Variants in IL1RAPL2 observed in about 807,000 individuals in gnomAD.
IL1RAPL2 encodes the protein interleukin 1 receptor accessory protein like 2.
A neutral mutation model predicts 44.1 loss-of-function variants in IL1RAPL2; 3 were observed. The ratio of observed to expected loss-of-function variants is 0.07; its 90% CI spans 0.03 to 0.18. The LOEUF is 0.18. IL1RAPL2 is among the 10% of genes least tolerant of loss of function. The pLI, the probability that IL1RAPL2 is intolerant of heterozygous loss-of-function variation, is 1.00. For missense variants in IL1RAPL2, 391 were observed against 496.4 expected (o/e 0.79, Z 2.02); for synonymous variants, 181 against 178.8 (o/e 1.01, Z -0.10).
intron 5 of IL1RAPL2, among the ~76,000 whole-genome samples, chrX:105,417,297 A>C (rs2147743782): frequency 9.0e-6 from 1 of 111,518 alleles, no homozygotes; most frequent in South Asian, 3.8e-4. Context: ...ACATGGTGAA[A>C]CCCCATCTCT....
intron 2 of IL1RAPL2, among the ~76,000 whole-genome samples, chrX:104,878,368 A>T (rs1922967264): frequency 8.9e-6 from 1 of 112,031 alleles, no homozygotes. Context: ...TCTGTGCTTT[A>T]TATATTACTG....
chrX:105,075,620 C>T (rs1200416574), intron 2 of IL1RAPL2, among the ~76,000 whole-genome samples: 1 of 111,918 alleles, frequency 8.9e-6, no homozygotes, highest in Non-Finnish European at 1.9e-5. Context: ...AGGAATGGTA[C>T]CAGCTCCTCC....
chrX:105,341,196 A>G (rs983843636), intron 5 of IL1RAPL2, among the ~76,000 whole-genome samples: 43 of 111,692 alleles, frequency 3.8e-4, no homozygotes, highest in African/African-American at 1.4e-3. Flanking sequence ...GTGCTTGTTC[A>G]TACATACTTG....
At chrX:105,715,547 G>A (rs1471983275) in intron 6 of IL1RAPL2, among the ~76,000 whole-genome samples, 1 of 111,349 alleles carries the variant, frequency 9.0e-6, no homozygotes, top group African/African-American at 3.3e-5. Context: ...AGCAAGTAAG[G>A]GAAATTCTCA....
At chrX:105,685,703 T>G (rs1161826055) in intron 6 of IL1RAPL2, among the ~76,000 whole-genome samples, 3 of 110,109 alleles carry the variant, frequency 2.7e-5, no homozygotes, top group Non-Finnish European at 5.7e-5. Flanking sequence ...TACAGACAAC[T>G]CCACAAAGAT....
chrX:105,108,286 A>G (rs923264546), intron 2 of IL1RAPL2, among the ~76,000 whole-genome samples: 2 of 111,298 alleles, frequency 1.8e-5, no homozygotes, highest in African/African-American at 6.5e-5. Flanking sequence ...ACTCCTCTTC[A>G]TTCCTCCCAA....
At chrX:104,972,795 T>C (rs1319963247) in intron 2 of IL1RAPL2, among the ~76,000 whole-genome samples, 23 of 111,467 alleles carry the variant, frequency 2.1e-4, no homozygotes, top group Non-Finnish European at 1.1e-4. Context: ...AAAAGAAACA[T>C]TGTAGTCAAG....
At chrX:105,572,512 A>G (rs1481855279) in intron 6 of IL1RAPL2, among the ~76,000 whole-genome samples, 1 of 112,064 alleles carries the variant, frequency 8.9e-6, no homozygotes, top group Non-Finnish European at 1.9e-5. Flanking sequence ...AGTAAACTCA[A>G]CTTTGAAAAA....
At chrX:104,931,476 G>A (rs1319723369) in intron 2 of IL1RAPL2, among the ~76,000 whole-genome samples, 1 of 109,953 alleles carries the variant, frequency 9.1e-6, no homozygotes, top group African/African-American at 3.3e-5. Flanking sequence ...TTTTTGATTG[G>A]AGAAGGTTAG....
chrX:105,368,332 A>G (rs936952329), intron 5 of IL1RAPL2, among the ~76,000 whole-genome samples: 1 of 111,620 alleles, frequency 9.0e-6, no homozygotes, highest in Admixed American at 9.6e-5. Context: ...GGCCCTTACC[A>G]AATTCAACAA....
At chrX:104,590,557 A>C (rs182635324) in intron 1 of IL1RAPL2, among the ~76,000 whole-genome samples, 263 of 111,708 alleles carry the variant, frequency 2.4e-3, no homozygotes, top group African/African-American at 7.9e-3. Context: ...GGTACCAACA[A>C]CACTCAGGAA....
intron 5 of IL1RAPL2, among the ~76,000 whole-genome samples, chrX:105,387,128 C>T (rs1186464028): frequency 9.3e-6 from 1 of 107,165 alleles, no homozygotes; most frequent in Non-Finnish European, 1.9e-5. Context: ...AAGAGTGTTA[C>T]TCAAAATTCA....
intron 3 of IL1RAPL2, among the ~76,000 whole-genome samples, chrX:105,204,461 T>G (rs370629819): frequency 1.8e-5 from 2 of 112,020 alleles, no homozygotes; most frequent in African/African-American, 6.5e-5. Context: ...ATAACTCTAG[T>G]CCCAGGCATG....
chrX:104,861,595 T>C (rs1322056179), intron 2 of IL1RAPL2, among the ~76,000 whole-genome samples: 3 of 111,201 alleles, frequency 2.7e-5, no homozygotes, highest in African/African-American at 9.8e-5. Context: ...GTAGGTTCTA[T>C]AAAACATATG....
At chrX:105,132,671 G>A (rs528438580) in intron 2 of IL1RAPL2, among the ~76,000 whole-genome samples, 16 of 111,420 alleles carry the variant, frequency 1.4e-4, no homozygotes, top group Middle Eastern at 4.6e-3. Flanking sequence ...TCCTATAAGA[G>A]AACCAAGGAA....
rs182181854 is a variant in IL1RAPL2 at position 104,762,038 on chromosome X, C to A, written c.82+103043C>A. ...TTTGAGACAGAGTCTCACTCTGTCA[C>A]CCAGGCTGGAGTGCAATGGTGCAAT... On this transcript the variant is annotated intron_variant, in intron 2 of 10. Coordinates refer to ENST00000372582, the MANE Select transcript of IL1RAPL2 (RefSeq NM_017416.2). 1.5e-4 allele frequency among the ~76,000 whole-genome samples: 16 copies of A among 105,201 alleles called. No individual in the cohort carries two copies. The East Asian group carries it at 2.1e-3, about 14-fold the overall frequency. 91.4% of individuals were successfully genotyped at this position (105,201 alleles called of 115,157 possible). A position where few individuals can be genotyped will look rare whatever the true frequency, so the allele number is the denominator to read the frequency against.
At chrX:105,038,059 G>A (rs2031659913) in intron 2 of IL1RAPL2, among the ~76,000 whole-genome samples, 1 of 111,269 alleles carries the variant, frequency 9.0e-6, no homozygotes, top group Admixed American at 9.6e-5. Context: ...GTAGTCAAAG[G>A]TTTTCCACCT....
chrX:104,943,826 T>C (rs767674915), intron 2 of IL1RAPL2, among the ~76,000 whole-genome samples: 1 of 112,341 alleles, frequency 8.9e-6, no homozygotes, highest in South Asian at 3.7e-4. Context: ...AATGCAAGTT[T>C]CATGAGGGCA....
intron 5 of IL1RAPL2, among the ~76,000 whole-genome samples, chrX:105,421,264 G>T (rs2035772265): frequency 9.0e-6 from 1 of 111,376 alleles, no homozygotes; most frequent in Admixed American, 9.6e-5. Context: ...TCATTCTTTT[G>T]AGTTTCTGAT....
Sources: gnomAD v4.1 joint callset for allele counts (sites outside exome capture counted in the v4.1 genomes callset) on GRCh38, gnomAD v4.1.1 for gene constraint, MANE v1.5 for transcripts, NCBI Gene and HGNC (gene_info 2026-07-23, HGNC 2026-07-21) for gene names.